TTF2: variants seen among roughly 807,000 people sequenced by gnomAD.
TTF2 encodes RNA polymerase II termination factor.
A neutral mutation model predicts 142.4 loss-of-function variants in TTF2; 108 were observed. The ratio of observed to expected loss-of-function variants is 0.76; its 90% confidence interval spans 0.65 to 0.89. The LOEUF is 0.89. Ranked by LOEUF, TTF2 falls within the 40% of genes least tolerant of loss-of-function variation. The probability of loss-of-function intolerance (pLI) is 0.00; values close to 1 mark genes in which losing one functional copy is unlikely to be tolerated. For missense variants in TTF2, 1,327 were observed against 1,379.8 expected (o/e 0.96, Z 0.61); for synonymous variants, 483 against 506.2 (o/e 0.95, Z 0.61).
Position 117,104,324 on chromosome 1 carries a change from TA to T in TTF2, c.*2801del, listed in dbSNP as rs1401089455. ...GGAATTTCATAGCAAATATATATAC[TA>T]CAACATGGTTGACCAGATAGATCAG... On this transcript the variant is annotated 3_prime_UTR_variant, in exon 23 of 23. Coordinates refer to ENST00000369466, the MANE Select transcript of TTF2 (RefSeq NM_003594.4). The T allele has an allele frequency of 6.6e-6, 1 of 152,216 alleles. No individual in the cohort carries two copies. The highest frequency in any genetic ancestry group is 2.4e-5 in the African/African-American group (1 of 41,458). The allele number at this position is 152,216 out of a possible 1,614,324, so 9.4% of individuals were successfully genotyped here. A position where few individuals can be genotyped will look rare whatever the true frequency, so the allele number is the denominator to read the frequency against.
Position 117,099,018 on chromosome 1 carries a change from C to A in TTF2, c.3344+111C>A. ...TTTAAAGTATTTGGTGATGACTTTA[C>A]TGATGATGCCCCTGAGGCATACCTT... On this transcript the variant is annotated intron_variant, in intron 22 of 22. Transcript: ENST00000369466. The surrounding 1 kb of genome is among the most constrained non-coding windows in gnomAD (Gnocchi z 4.3). The A allele has an allele frequency of 4.0e-6, 4 of 1,003,378 alleles. No individual in the cohort carries two copies. The highest frequency in any genetic ancestry group is 5.8e-6 in the Non-Finnish European group (4 of 691,798). The allele number at this position is 1,003,378 out of a possible 1,614,324, so 62.2% of individuals were successfully genotyped here.
chr1:117,079,053 A>G lies in TTF2; in HGVS notation c.1702-515A>G, dbSNP rs1015353329. The stretch of plus-strand genomic sequence containing the variant: ...CCAGGAGCTCAAGACTAGCCTGGCC[A>G]ACATGGTGAAACCCCATCTCTACTA... On this transcript the variant is annotated intron_variant, in intron 8 of 22. Transcript: ENST00000369466. This position sits in a 1 kb window ranked among gnomAD's most constrained non-coding sequence, Gnocchi z 4.2. Among the ~76,000 whole-genome samples the G allele has an allele frequency of 6.6e-6, 1 of 152,150 alleles. No individual in the cohort carries two copies. The highest frequency in any genetic ancestry group is 1.5e-5 in the Non-Finnish European group (1 of 68,022).
rs1489109711 is a variant in TTF2, at chr1:117,063,275, C to T, written c.218+802C>T. Among the ~76,000 whole-genome samples the T allele has an allele frequency of 6.6e-6, 1 of 152,070 alleles. No homozygotes were observed. Among genetic ancestry groups the T allele is most frequent in the Non-Finnish European group, 1.5e-5 (1 of 68,030 alleles). On this transcript the variant is annotated intron_variant, in intron 3 of 22. Coordinates refer to ENST00000369466, the MANE Select transcript of TTF2 (RefSeq NM_003594.4). The surrounding 1 kb of genome is among the most constrained non-coding windows in gnomAD (Gnocchi z 4.1). ...ATTTAGTTATATGTATAGTAAGATA[C>T]ACAAGTCTTAAGATTTCAACCAGTT...
intron 9 of TTF2, 117 bp from the exon 10 acceptor site, chr1:117,081,711 G>A (rs1647526203): frequency 4.8e-6 from 6 of 1,261,226 alleles, no homozygotes; most frequent in Admixed American, 2.6e-5. Context: ...GAGTAGTGAC[G>A]GAGTGGCACT....
Position 117,096,227 on chromosome 1 carries a change from C to T in TTF2, c.3114C>T (p.Thr1038=), listed in dbSNP as rs146370288. 275 of 1,613,942 alleles carry T rather than the reference C, an allele frequency of 1.7e-4. No individual in the cohort carries two copies. The highest frequency in any genetic ancestry group is 2.3e-4 in the Non-Finnish European group (266 of 1,179,996). ...HLKKHGLTYA[T]IDGSVNPKQR... ...AGAAGCATGGACTGACTTATGCCAC[C>T]ATCGATGGCTCTGTCAATCCCAAGC... Residue 1038 remains threonine (T), a synonymous_variant, in exon 20 of 23, where the codon ACC becomes ACT. Transcript: ENST00000369466.
chr1:117,094,646 A>G (rs764181644), intron 18 of TTF2: 2 of 484,414 alleles, frequency 4.1e-6, no homozygotes, highest in Non-Finnish European at 8.6e-6. Flanking sequence ...AGCAAACATT[A>G]GGAGAGTATC....
At chr1:117,072,297 G>A (rs1656639546) in intron 3 of TTF2, among the ~76,000 whole-genome samples, 2 of 151,716 alleles carry the variant, frequency 1.3e-5, no homozygotes, top group African/African-American at 2.4e-5. Flanking sequence ...CCAGCTCATG[G>A]CTACTCTTGT....
At chr1:117,062,174 G>C (rs1655734921) in intron 2 of TTF2, among the ~76,000 whole-genome samples, 2 of 152,204 alleles carry the variant, frequency 1.3e-5, no homozygotes. Flanking sequence ...TCAAGAAACA[G>C]TTATGCTTTA....
At position 117,104,994 on chromosome 1, in the gene TTF2, G is replaced by A. The variant is rs916229744; in HGVS notation, c.*3470G>A. ...GATGGGCAGCATCCCACAACACAGT[G>A]GTCTAATTGAGGTGCTGCACTATGA... is the stretch of plus-strand genomic sequence containing the variant. On this transcript the variant is annotated 3_prime_UTR_variant, in exon 23 of 23. Transcript: ENST00000369466. The A allele has an allele frequency of 6.6e-6, 1 of 152,184 alleles. No homozygotes were observed. Among genetic ancestry groups the A allele is most frequent in the African/African-American group, 2.4e-5 (1 of 41,432 alleles). The allele number at this position is 152,184 out of a possible 1,614,324, so 9.4% of individuals were successfully genotyped here. A position where few individuals can be genotyped will look rare whatever the true frequency, so the allele number is the denominator to read the frequency against.
At position 117,087,128 on chromosome 1, in the gene TTF2, GC is replaced by G. The variant is rs1557821807; in HGVS notation, c.2160+609del. Among the ~76,000 whole-genome samples the G allele has an allele frequency of 6.6e-6, 1 of 152,080 alleles. No homozygotes were observed. Among genetic ancestry groups the G allele is most frequent in the Non-Finnish European group, 1.5e-5 (1 of 68,000 alleles). On this transcript the variant is annotated intron_variant, in intron 12 of 22. Coordinates refer to ENST00000369466, the MANE Select transcript of TTF2 (RefSeq NM_003594.4). The surrounding 1 kb of genome is among the most constrained non-coding windows in gnomAD (Gnocchi z 4.8). ...CATTTTTCTATATGTTATCCTTTTA[GC>G]CCAACGGGATATTCACAGGTTTCTG...
chr1:117,088,428 T>C (rs1648226409), intron 12 of TTF2, among the ~76,000 whole-genome samples: 1 of 152,024 alleles, frequency 6.6e-6, no homozygotes, highest in South Asian at 2.1e-4. Context: ...TCCCGGCTGC[T>C]CGGGAGGCTG....
chr1:117,068,154 C>T (rs1411222649), intron 3 of TTF2, among the ~76,000 whole-genome samples: 1 of 152,224 alleles, frequency 6.6e-6, no homozygotes, highest in Non-Finnish European at 1.5e-5. Flanking sequence ...TTTCCTTTCT[C>T]TCTGTTTCTC....
intron 9 of TTF2, among the ~76,000 whole-genome samples, chr1:117,081,116 C>G (rs78074910): frequency 3.3e-4 from 50 of 152,320 alleles, no homozygotes; most frequent in Admixed American, 2.4e-3. Flanking sequence ...TGTAAGCAGG[C>G]CTTTCAAAGG....
rs1359322585 is a variant in TTF2 at position 117,103,430 on chromosome 1, T to C, written c.*1906T>C. 6.6e-6 allele frequency: 1 copy of C among 152,196 alleles called. No homozygotes were observed. The highest frequency in any genetic ancestry group is 1.5e-5 in the Non-Finnish European group (1 of 68,032). 9.4% of individuals were successfully genotyped at this position (152,196 alleles called of 1,614,324 possible). A position where few individuals can be genotyped will look rare whatever the true frequency, so the allele number is the denominator to read the frequency against. On this transcript the variant is annotated 3_prime_UTR_variant, in exon 23 of 23. Coordinates refer to ENST00000369466, the MANE Select transcript of TTF2 (RefSeq NM_003594.4). ...TAATTTCTGCTAGAAAGAATCACAG[T>C]TCTTCTAACACAGAAACATTTCTGT...
intron 8 of TTF2, 45 bp downstream of exon 8, chr1:117,078,088 C>T: frequency 1.3e-6 from 2 of 1,589,608 alleles, no homozygotes; most frequent in Non-Finnish European, 1.7e-6. Flanking sequence ...TGACAGTGCT[C>T]CAGCAGCCCC....
rs140907447 is a variant in TTF2, at chr1:117,097,306, C to T, written c.3187-45C>T. 1.7e-4 allele frequency: 269 copies of T among 1,571,130 alleles called. No homozygotes were observed. In the African/African-American group the frequency reaches 3.2e-3, roughly 19 times the overall value. The stretch of plus-strand genomic sequence containing the variant: ...TTAAACCTGAGACCGAGATGTGTTA[C>T]GAGACCAAGTCTGTTTAAAGTTAAT... On this transcript the variant is annotated intron_variant, in intron 20 of 22. Coordinates refer to ENST00000369466, the MANE Select transcript of TTF2 (RefSeq NM_003594.4). This position sits in a 1 kb window ranked among gnomAD's most constrained non-coding sequence, Gnocchi z 4.1.
chr1:117,083,672 T>G (rs1283060591), intron 10 of TTF2, among the ~76,000 whole-genome samples: 1 of 152,150 alleles, frequency 6.6e-6, no homozygotes, highest in Non-Finnish European at 1.5e-5. Flanking sequence ...GTACTTTTAG[T>G]GGAGAAAATA....
At chr1:117,067,303 CG>C (rs1196899205) in intron 3 of TTF2, among the ~76,000 whole-genome samples, 1 of 151,832 alleles carries the variant, frequency 6.6e-6, no homozygotes, top group Admixed American at 6.6e-5. Flanking sequence ...AGGCCAAGGC[CG>C]GCGGATCACT....
In TTF2 at chr1:117,096,245, T is replaced by C. The variant is rs1249114243; in HGVS notation, c.3132T>C (p.Asn1044=). 2.5e-6 allele frequency: 4 copies of C among 1,613,920 alleles called. No homozygotes were observed. Among genetic ancestry groups the C allele is most frequent in the Non-Finnish European group, 3.4e-6 (4 of 1,179,952 alleles). Residue 1044 remains asparagine, a synonymous_variant, in exon 20 of 23, where the codon AAT becomes AAC. Coordinates refer to ENST00000369466, the MANE Select transcript of TTF2 (RefSeq NM_003594.4). The stretch of plus-strand genomic sequence containing the variant: ...ATGCCACCATCGATGGCTCTGTCAA[T>C]CCCAAGCAGAGAATGGACTTGGTAG... ...LTYATIDGSV[N]PKQRMDLVEA... is the part of the protein sequence containing the mutation.
Sources: allele counts gnomAD v4.1 joint callset (sites outside exome capture counted in the v4.1 genomes callset), GRCh38; gene constraint gnomAD v4.1.1; non-coding constraint Gnocchi (gnomAD v3.1); transcripts MANE v1.5; gene names NCBI Gene and HGNC (gene_info 2026-07-23, HGNC 2026-07-21).